HS1BP3: variants seen among roughly 807,000 people sequenced by gnomAD.
The protein encoded by HS1BP3 is HCLS1-binding protein 3.
A neutral mutation model predicts 33.5 loss-of-function variants in HS1BP3; 32 were observed. That is an observed-to-expected ratio of 0.95 (90% CI 0.72 to 1.28). The LOEUF is 1.28. HS1BP3 is among the 50% of genes most tolerant of loss of function. HS1BP3 has a pLI of 0.00. For synonymous variants in HS1BP3, 187 were observed against 209.2 expected (o/e 0.89, Z 0.92); for missense variants, 486 against 502.3 (o/e 0.97, Z 0.31).
At chr2:20,590,558 G>C (rs1011232466), downstream of HS1BP3, among the ~76,000 whole-genome samples, 5 of 152,168 alleles carry the variant, frequency 3.3e-5, no homozygotes, top group Non-Finnish European at 7.3e-5. Flanking sequence ...ATTAGGTCAC[G>C]TCCCCGTACT....
At chr2:20,561,545 C>A (rs1275139313) in intron 5 of HS1BP3, among the ~76,000 whole-genome samples, 2 of 152,078 alleles carry the variant, frequency 1.3e-5, no homozygotes, top group African/African-American at 4.8e-5. Flanking sequence ...CAACCCCTCC[C>A]CACCTGCACA....
Position 20,599,648 on chromosome 2 carries a change from A to ACT in HS1BP3, c.179-1385_179-1384dup, listed in dbSNP as rs1244973904. On this transcript the variant is annotated intron_variant, in intron 2 of 3. Transcript: ENST00000415264. ...CACACACACACACACACACACACAC[A>ACT]CTCTGTTTTTTTTTTTTTAAAGATC... 3.4e-4 allele frequency among the ~76,000 whole-genome samples: 45 copies of ACT among 132,062 alleles called. No individual in the cohort carries two copies. The East Asian group carries it at 5.2e-3, about 15-fold the overall frequency. The allele number at this position is 132,062 out of a possible 152,430, so 86.6% of individuals were successfully genotyped here.
At chr2:20,625,210 C>T (rs1384360300) in intron 4 of HS1BP3, among the ~76,000 whole-genome samples, 1 of 152,250 alleles carries the variant, frequency 6.6e-6, no homozygotes, top group Non-Finnish European at 1.5e-5. Context: ...AGTGGTAAGG[C>T]CCCCGCTACT....
At chr2:20,560,655 C>G (rs906338198) in intron 5 of HS1BP3, 1 of 152,156 alleles carries the variant, frequency 6.6e-6, no homozygotes, top group Non-Finnish European at 1.5e-5. Flanking sequence ...TTGACAGAGT[C>G]AGAAACTGAG....
At chr2:20,555,950 T>C (rs1692831473), downstream of HS1BP3, among the ~76,000 whole-genome samples, 1 of 152,170 alleles carries the variant, frequency 6.6e-6, no homozygotes, top group African/African-American at 2.4e-5. Flanking sequence ...CAGTTCTTCC[T>C]CTGTAAGACT....
Position 20,651,097 on chromosome 2 carries a change from T to TCACGGGACCCGGCAGTGCC in HS1BP3, c.-35_-34insGGCACTGCCGGGTCCCGTG, listed in dbSNP as rs1271709680. On this transcript the variant is annotated 5_prime_UTR_variant, in exon 1 of 7. Transcript: ENST00000304031. ...CGGGGACTCCGGGCGGGGCGCGCAG[T>TCACGGGACCCGGCAGTGCC]CACGGGACCCGGCAGTGCCCGCGTC... is the stretch of plus-strand genomic sequence containing the variant. 6 of 1,227,482 alleles carry TCACGGGACCCGGCAGTGCC rather than the reference T, an allele frequency of 4.9e-6. No homozygotes were observed. The highest frequency in any genetic ancestry group is 6.1e-6 in the Non-Finnish European group (6 of 984,898). The allele number at this position is 1,227,482 out of a possible 1,614,324, so 76.0% of individuals were successfully genotyped here. A position where few individuals can be genotyped will look rare whatever the true frequency, so the allele number is the denominator to read the frequency against.
chr2:20,585,028 C>T (rs1421776726), intron 5 of HS1BP3, among the ~76,000 whole-genome samples: 1 of 152,184 alleles, frequency 6.6e-6, no homozygotes, highest in Non-Finnish European at 1.5e-5. Context: ...CTGCAGTGAC[C>T]TTGGGAAAGG....
rs533125976 is a variant in HS1BP3 at position 20,570,812 on chromosome 2, G to C, written c.303-10297C>G. ...TGGCTCTCTGAGCTGGAGGAGTTTGGAGGTGTGACTTCCAGGAGGGCAGCA... is the reference window on the plus strand; with the variant it reads ...TGGCTCTCTGAGCTGGAGGAGTTTGCAGGTGTGACTTCCAGGAGGGCAGCA... On this transcript the variant is annotated intron_variant, in intron 5 of 5. Coordinates refer to the HS1BP3 transcript ENST00000446825. Among the ~76,000 whole-genome samples the C allele has an allele frequency of 1.3e-3, 192 of 152,290 alleles. 2 individuals carry two copies. The highest frequency in any genetic ancestry group is 4.6e-3 in the African/African-American group (190 of 41,554).
intron 1 of HS1BP3, among the ~76,000 whole-genome samples, chr2:20,647,562 C>T (rs1055208965): frequency 1.1e-4 from 17 of 152,210 alleles, no homozygotes; most frequent in Admixed American, 2.6e-4. Flanking sequence ...GTAAGAAAGG[C>T]ATGTTCGGGC....
intron 2 of HS1BP3, among the ~76,000 whole-genome samples, chr2:20,599,261 C>A (rs958063793): frequency 3.3e-5 from 5 of 152,346 alleles, no homozygotes; most frequent in Admixed American, 2.6e-4. Context: ...CACAGCAGTA[C>A]CCACAGGTCC....
At chr2:20,605,187 C>T (rs143979845) in intron 2 of HS1BP3, among the ~76,000 whole-genome samples, 264 of 152,334 alleles carry the variant, frequency 1.7e-3, no homozygotes, top group African/African-American at 6.1e-3. Flanking sequence ...CAAACACACA[C>T]GAGCTTCCCA....
rs1490218572 is a variant in HS1BP3 at position 20,568,389 on chromosome 2, G to A, written c.303-7874C>T. On this transcript the variant is annotated intron_variant, in intron 5 of 5. Coordinates refer to the HS1BP3 transcript ENST00000446825. Reference sequence around the variant, plus strand: ...AGAGCAGGGTCAGCACGTGGTGGGGGTTCCTAGGAGCTGGAGCCGGGCGGG... The same window carrying A: ...AGAGCAGGGTCAGCACGTGGTGGGGATTCCTAGGAGCTGGAGCCGGGCGGG... Among the ~76,000 whole-genome samples the A allele has an allele frequency of 5.9e-5, 9 of 152,270 alleles. No individual in the cohort carries two copies. In the East Asian group the frequency reaches 1.7e-3, roughly 29 times the overall value.
Position 20,593,816 on chromosome 2 carries a change from G to A in HS1BP3, c.*13-1022C>T, listed in dbSNP as rs975997847. Among the ~76,000 whole-genome samples, 6 of 152,222 alleles carry A rather than the reference G, an allele frequency of 3.9e-5. No individual in the cohort carries two copies. The East Asian group carries it at 1.2e-3, about 29-fold the overall frequency. On this transcript the variant is annotated intron_variant, in intron 3 of 3. Coordinates refer to the HS1BP3 transcript ENST00000415264. Reference sequence around the variant, plus strand: ...CTGGAGCCGCCACGGGGATGGAAGAGTGGGTCCTTTTGATGCACTCAAGCC... The same window carrying A: ...CTGGAGCCGCCACGGGGATGGAAGAATGGGTCCTTTTGATGCACTCAAGCC...
chr2:20,588,929 G>A (rs996127560), downstream of HS1BP3, among the ~76,000 whole-genome samples: 2 of 152,212 alleles, frequency 1.3e-5, no homozygotes, highest in African/African-American at 4.8e-5. Context: ...CCAGGTGGAG[G>A]AAGCCCAGGG....
intron 2 of HS1BP3, among the ~76,000 whole-genome samples, chr2:20,609,457 C>T (rs904750154): frequency 4.9e-5 from 7 of 142,958 alleles, no homozygotes; most frequent in African/African-American, 2.6e-5. Flanking sequence ...TGTAGCTCAG[C>T]TCTTGGAGCC....
intron 3 of HS1BP3, among the ~76,000 whole-genome samples, chr2:20,596,917 C>G (rs553061543): frequency 9.0e-4 from 137 of 152,338 alleles, no homozygotes; most frequent in Non-Finnish European, 1.6e-3. Flanking sequence ...TGGCAGCCAG[C>G]AGGTGCCATG....
intron 5 of HS1BP3, among the ~76,000 whole-genome samples, chr2:20,568,158 C>G (rs112926117): frequency 0.032 from 4,879 of 152,232 alleles, 77 homozygotes; most frequent in African/African-American, 0.043. Flanking sequence ...AGACACAAAC[C>G]CAAGTCAGTT....
chr2:20,621,541 G>A (rs1178800492), intron 6 of HS1BP3, among the ~76,000 whole-genome samples: 2 of 152,238 alleles, frequency 1.3e-5, no homozygotes, highest in African/African-American at 4.8e-5. Flanking sequence ...CCTCCAAGTG[G>A]CAGCCCTTCC....
downstream of HS1BP3, among the ~76,000 whole-genome samples, chr2:20,615,895 C>T (rs765579975): frequency 4.6e-5 from 7 of 152,272 alleles, no homozygotes; most frequent in Admixed American, 2.6e-4. Flanking sequence ...ATTGTATGGA[C>T]GTGGTCATGG....
Sources: allele counts gnomAD v4.1 joint callset (sites outside exome capture counted in the v4.1 genomes callset), GRCh38; gene constraint gnomAD v4.1.1; transcripts MANE v1.5; gene names NCBI Gene and HGNC (gene_info 2026-07-23, HGNC 2026-07-21).